IKZF2: variants seen among roughly 807,000 people sequenced by gnomAD.
The protein encoded by IKZF2 is zinc finger protein Helios.
In IKZF2, 15 loss-of-function variants were observed where a neutral mutation model predicts 49.2. The observed-to-expected ratio is 0.30, with a 90% CI of 0.20 to 0.47. The LOEUF is 0.47. Among genes scored for constraint, IKZF2 ranks in the 20% least tolerant of loss-of-function variants. The pLI, the probability that IKZF2 is intolerant of heterozygous loss-of-function variation, is 1.00. For missense variants in IKZF2, 567 were observed against 664.6 expected, an observed-to-expected ratio of 0.85 and a Z score of 1.61; for synonymous variants, 227 against 221.4, an observed-to-expected ratio of 1.03 and a Z score of -0.23.
At chr2:213,136,009 AC>A (rs1337737465) in intron 4 of IKZF2, among the ~76,000 whole-genome samples, 8 of 149,422 alleles carry the variant, frequency 5.4e-5, no homozygotes, top group Admixed American at 1.3e-4. Context: ...AGATCGCGCC[AC>A]GGCACTCCAG....
chr2:213,030,187 C>T (rs1010640130), intron 6 of IKZF2, among the ~76,000 whole-genome samples: 2 of 151,952 alleles, frequency 1.3e-5, no homozygotes, highest in African/African-American at 4.8e-5. Context: ...TGGTAGTTTC[C>T]CACGTTGTGA....
intron 4 of IKZF2, among the ~76,000 whole-genome samples, chr2:213,114,972 A>G (rs560392823): frequency 9.2e-5 from 14 of 152,194 alleles, no homozygotes; most frequent in South Asian, 2.1e-4. Context: ...ACCTATTTCT[A>G]GAATGAAGGC....
intron 4 of IKZF2, among the ~76,000 whole-genome samples, chr2:213,105,221 C>T (rs777288771): frequency 6.6e-6 from 1 of 152,092 alleles, no homozygotes; most frequent in Admixed American, 6.6e-5. Flanking sequence ...TACTGCAAAG[C>T]TCTCCCTCAT....
intron 6 of IKZF2, among the ~76,000 whole-genome samples, chr2:213,043,881 G>C (rs945314273): frequency 6.6e-6 from 1 of 152,236 alleles, no homozygotes; most frequent in Non-Finnish European, 1.5e-5. Context: ...CCAGGAGGTT[G>C]AGGACCCCTG....
chr2:213,002,211 C>T lies in IKZF2; in HGVS notation c.*5149G>A, dbSNP rs569589371. The T allele has an allele frequency of 5.3e-5, 8 of 151,460 alleles. No homozygotes were observed. The highest frequency in any genetic ancestry group is 1.9e-4 in the African/African-American group (8 of 41,470). 9.4% of individuals were successfully genotyped at this position (151,460 alleles called of 1,614,324 possible). ...TCTTAGAAAACTAGTCATTCATGTA[C>T]CACTCTCTGTATGGGATAAAGGTTA... On this transcript the variant is annotated 3_prime_UTR_variant, in exon 9 of 9. Transcript: ENST00000434687.
chr2:213,141,394 T>C (rs1394813807), intron 4 of IKZF2, among the ~76,000 whole-genome samples: 1 of 151,950 alleles, frequency 6.6e-6, no homozygotes, highest in Non-Finnish European at 1.5e-5. Flanking sequence ...TTGACTTCCA[T>C]GAAAATAAAA....
chr2:213,066,219 A>C (rs1299523626), intron 4 of IKZF2, among the ~76,000 whole-genome samples: 2 of 152,076 alleles, frequency 1.3e-5, no homozygotes, highest in African/African-American at 4.8e-5. Flanking sequence ...AAGGATTCCC[A>C]GAGGTCACTA....
intron 6 of IKZF2, among the ~76,000 whole-genome samples, chr2:213,029,237 T>G (rs569195196): frequency 2.0e-5 from 3 of 152,136 alleles, no homozygotes; most frequent in Non-Finnish European, 4.4e-5. Context: ...GTTCCTTTAG[T>G]GTTTTTCTTA....
intron 4 of IKZF2, among the ~76,000 whole-genome samples, chr2:213,059,856 A>T (rs1402213976): frequency 1.3e-5 from 2 of 151,508 alleles, no homozygotes; most frequent in Non-Finnish European, 3.0e-5. Context: ...TATACTACAA[A>T]TAAATACAGA....
Position 213,033,109 on chromosome 2 carries a change from G to C in IKZF2, c.575-10979C>G, listed in dbSNP as rs146874569. 5.1e-3 allele frequency among the ~76,000 whole-genome samples: 771 copies of C among 152,284 alleles called. 6 individuals carry two copies. The highest frequency in any genetic ancestry group is 0.017 in the African/African-American group (713 of 41,562). ...TCTACACTAGAAGATTCGATCTCAA[G>C]AAACCACTTTCTTTGCCCATTGTAA... On this transcript the variant is annotated intron_variant, in intron 6 of 8. Transcript: ENST00000434687.
chr2:213,026,422 G>C (rs1048073839), intron 6 of IKZF2, among the ~76,000 whole-genome samples: 10 of 152,048 alleles, frequency 6.6e-5, no homozygotes, highest in African/African-American at 2.4e-4. Context: ...GTTAGATCTT[G>C]ACCTTTTTGA....
At chr2:213,148,975 A>G (rs1268657651) in intron 2 of IKZF2, among the ~76,000 whole-genome samples, 1 of 152,216 alleles carries the variant, frequency 6.6e-6, no homozygotes, top group Non-Finnish European at 1.5e-5. Flanking sequence ...ACTGGGATTT[A>G]AGTGTTTTAC....
chr2:213,115,680 T>C (rs1049353953), intron 4 of IKZF2, among the ~76,000 whole-genome samples: 2 of 152,196 alleles, frequency 1.3e-5, no homozygotes, highest in African/African-American at 2.4e-5. Flanking sequence ...ACTCAAACCA[T>C]GTGAATCTCA....
chr2:213,124,244 GCGCGCGCGCACACACACACA>G (rs1169573517), intron 4 of IKZF2, among the ~76,000 whole-genome samples: 1 of 78,998 alleles, frequency 1.3e-5, no homozygotes, highest in Non-Finnish European at 2.6e-5. Flanking sequence ...ATGCGCTCGC[GCGCGCGCGCACACACACACA>G]CACACACACA....
chr2:213,132,360 T>G (rs2060503203), intron 4 of IKZF2, among the ~76,000 whole-genome samples: 1 of 151,868 alleles, frequency 6.6e-6, no homozygotes, highest in African/African-American at 2.4e-5. Context: ...GGATCGACTG[T>G]CCTGTGCCTA....
chr2:213,090,982 T>C (rs1705254395), intron 4 of IKZF2, among the ~76,000 whole-genome samples: 1 of 152,162 alleles, frequency 6.6e-6, no homozygotes, highest in Admixed American at 6.6e-5. Context: ...CAGGCTCAGA[T>C]GAGATATATT....
Position 213,091,941 on chromosome 2 carries a change from T to G in IKZF2, c.140-34842A>C, listed in dbSNP as rs190975680. On this transcript the variant is annotated intron_variant, in intron 4 of 8. Coordinates refer to ENST00000434687, the MANE Select transcript of IKZF2 (RefSeq NM_001387220.1). Reference sequence around the variant, plus strand: ...ATGTGTGTGTGTACTCATACTATTTTTATTTAATTTATTTACTTATTATTT... The same window carrying G: ...ATGTGTGTGTGTACTCATACTATTTGTATTTAATTTATTTACTTATTATTT... 1.9e-4 allele frequency among the ~76,000 whole-genome samples: 28 copies of G among 150,860 alleles called. No individual in the cohort carries two copies. In the East Asian group the frequency reaches 3.5e-3, roughly 19 times the overall value.
At chr2:213,099,202 TC>T (rs1250054144) in intron 4 of IKZF2, among the ~76,000 whole-genome samples, 1 of 151,916 alleles carries the variant, frequency 6.6e-6, no homozygotes, top group African/African-American at 2.4e-5. Context: ...GTCAGCCTCC[TC>T]CCCCCATCCT....
chr2:213,056,493 C>T, intron 5 of IKZF2: 1 of 384,008 alleles, frequency 2.6e-6, no homozygotes, highest in Non-Finnish European at 4.9e-6. Context: ...AACTATATTA[C>T]CTGCCCATGG....
Sources: gnomAD v4.1 joint callset for allele counts (sites outside exome capture counted in the v4.1 genomes callset) on GRCh38, gnomAD v4.1.1 for gene constraint, MANE v1.5 for transcripts, NCBI Gene and HGNC (gene_info 2026-07-23, HGNC 2026-07-21) for gene names.